Variants in MSH3 observed in about 807,000 individuals in gnomAD.
The protein encoded by MSH3 is mutS homolog 3.
In MSH3, 106 loss-of-function variants were observed where a neutral mutation model predicts 123.3. The ratio of observed to expected loss-of-function variants is 0.86; its 90% CI spans 0.73 to 1.01. The LOEUF is 1.01. Ranked by LOEUF, MSH3 falls within the 50% of genes least tolerant of loss-of-function variation. MSH3 has a pLI of 0.00. For synonymous variants in MSH3, 515 were observed against 481.4 expected, an observed-to-expected ratio of 1.07 and a Z score of -0.91; for missense variants, 1,459 against 1,347.6, an observed-to-expected ratio of 1.08 and a Z score of -1.29.
chr5:80,659,039 G>A (rs1749363059), intron 2 of MSH3, among the ~76,000 whole-genome samples: 2 of 152,154 alleles, frequency 1.3e-5, no homozygotes, highest in Non-Finnish European at 2.9e-5. Flanking sequence ...TTCGAGACCA[G>A]CCTGGCCCAC....
At chr5:80,746,617 G>T in intron 12 of MSH3, 1 of 344,478 alleles carries the variant, frequency 2.9e-6, no homozygotes, top group Non-Finnish European at 5.8e-6. Context: ...TCCTCGGGAG[G>T]AGGACGGCCA....
intron 8 of MSH3, among the ~76,000 whole-genome samples, chr5:80,706,296 T>C (rs1750722103): frequency 6.6e-6 from 1 of 152,174 alleles, no homozygotes; most frequent in Admixed American, 6.5e-5. Flanking sequence ...AGGCGTATGA[T>C]TGAGTGAAGT....
Position 80,670,129 on chromosome 5 carries a change from A to T in MSH3, c.612A>T (p.Gly204=), listed in dbSNP as rs2112812171. 4 of 1,614,122 alleles carry T rather than the reference A, an allele frequency of 2.5e-6. No individual in the cohort carries two copies. The highest frequency in any genetic ancestry group is 3.4e-6 in the Non-Finnish European group (4 of 1,180,004). ...CACTTTTTGATCTCAGTCAGTTTGG[A>T]TCATCAAATACAAGTCATGAAAATT... ...DTTLFDLSQF[G]SSNTSHENLQ... Residue 204 remains glycine (G), a synonymous_variant, in exon 4 of 24, where the codon GGA becomes GGT. Coordinates refer to ENST00000265081, the MANE Select transcript of MSH3 (RefSeq NM_002439.5).
chr5:80,834,223 GGT>G (rs1745469633), intron 20 of MSH3, among the ~76,000 whole-genome samples: 1 of 151,976 alleles, frequency 6.6e-6, no homozygotes, highest in Non-Finnish European at 1.5e-5. Flanking sequence ...TACCCTCCAG[GGT>G]GTGAGTCCCA....
At chr5:80,824,322 G>A (rs536485050) in intron 20 of MSH3, among the ~76,000 whole-genome samples, 6 of 151,280 alleles carry the variant, frequency 4.0e-5, no homozygotes, top group South Asian at 4.2e-4. Context: ...GGGCGGAGGC[G>A]CCCCCCACCT....
intron 22 of MSH3, among the ~76,000 whole-genome samples, chr5:80,870,078 G>T (rs1347376345): frequency 6.7e-6 from 1 of 150,046 alleles, no homozygotes; most frequent in East Asian, 2.0e-4. Flanking sequence ...GGAGGCTGAG[G>T]CAGGAGAATC....
chr5:80,792,031 C>T lies in MSH3; in HGVS notation c.2544-702C>T, dbSNP rs6151843. Among the ~76,000 whole-genome samples, 533 of 152,064 alleles carry T rather than the reference C, an allele frequency of 3.5e-3. 2 individuals are homozygous for T. Among genetic ancestry groups the T allele is most frequent in the African/African-American group, 0.012 (510 of 41,466 alleles). On this transcript the variant is annotated intron_variant, in intron 18 of 23. Transcript: ENST00000265081. ...TATCAAAGTAAAAGATACAAAAGAC[C>T]GTAGAAAGATGTTTTAATTGAACAG... is the stretch of plus-strand genomic sequence containing the variant.
intron 1 of MSH3, 173 bp downstream of exon 1, chr5:80,655,137 C>G (rs1363156101): frequency 2.0e-6 from 1 of 509,018 alleles, no homozygotes; most frequent in African/African-American, 2.0e-5. Context: ...TTGGGTGAAG[C>G]GCTGAGGTTT....
At chr5:80,861,038 G>A (rs1746006114) in intron 21 of MSH3, among the ~76,000 whole-genome samples, 1 of 152,056 alleles carries the variant, frequency 6.6e-6, no homozygotes, top group African/African-American at 2.4e-5. Flanking sequence ...ATGCATCTCT[G>A]TGCTTACATT....
chr5:80,656,334 A>T, intron 1 of MSH3, 77 bp from the exon 2 acceptor site: 1 of 1,580,412 alleles, frequency 6.3e-7, no homozygotes, highest in Non-Finnish European at 8.7e-7. Context: ...TTCAGTTGTA[A>T]GGTTTAAATT....
At chr5:80,811,321 C>T (rs369996650) in intron 19 of MSH3, among the ~76,000 whole-genome samples, 1 of 152,008 alleles carries the variant, frequency 6.6e-6, no homozygotes, top group Non-Finnish European at 1.5e-5. Context: ...CAAATACTTT[C>T]TCTGTGTTAT....
At chr5:80,730,903 T>C (rs929193184) in intron 10 of MSH3, among the ~76,000 whole-genome samples, 33 of 147,670 alleles carry the variant, frequency 2.2e-4, no homozygotes, top group East Asian at 3.9e-4. Context: ...TATTTTTTTT[T>C]TTTTCTTTTT....
intron 7 of MSH3, among the ~76,000 whole-genome samples, chr5:80,675,624 A>G (rs1749823128): frequency 6.6e-6 from 1 of 152,182 alleles, no homozygotes; most frequent in South Asian, 2.1e-4. Context: ...ACCTCCCACC[A>G]GGTCTCCCCC....
At chr5:80,870,217 G>A (rs971826098) in intron 22 of MSH3, among the ~76,000 whole-genome samples, 4 of 151,126 alleles carry the variant, frequency 2.6e-5, no homozygotes, top group African/African-American at 7.3e-5. Flanking sequence ...TTTTTGGATA[G>A]GGGGATTTTG....
intron 6 of MSH3, among the ~76,000 whole-genome samples, chr5:80,674,003 T>C (rs1382525887): frequency 2.0e-5 from 3 of 152,328 alleles, no homozygotes; most frequent in African/African-American, 4.8e-5. Flanking sequence ...CTCATCTAAT[T>C]CTAAGGACTG....
chr5:80,774,485 G>A (rs551229626), intron 15 of MSH3, among the ~76,000 whole-genome samples: 6 of 151,896 alleles, frequency 4.0e-5, no homozygotes, highest in Non-Finnish European at 8.8e-5. Context: ...AAGGTAATTA[G>A]TATATTAAGG....
At chr5:80,794,266 G>A (rs2112028620) in intron 19 of MSH3, among the ~76,000 whole-genome samples, 1 of 152,276 alleles carries the variant, frequency 6.6e-6, no homozygotes, top group South Asian at 2.1e-4. Context: ...GGCGAATCCT[G>A]GCAGCACTGA....
intron 8 of MSH3, among the ~76,000 whole-genome samples, chr5:80,686,407 AT>A (rs1474218322): frequency 6.6e-6 from 1 of 151,820 alleles, no homozygotes; most frequent in Non-Finnish European, 1.5e-5. Context: ...GGTTTAAGCG[AT>A]TCTCGTGCCT....
intron 12 of MSH3, among the ~76,000 whole-genome samples, chr5:80,757,602 T>G (rs1743949655): frequency 6.6e-6 from 1 of 152,190 alleles, no homozygotes; most frequent in Non-Finnish European, 1.5e-5. Context: ...GTTTGGTATA[T>G]GGAATGAAAT....
Sources: gnomAD v4.1 joint callset for allele counts (sites outside exome capture counted in the v4.1 genomes callset) on GRCh38, gnomAD v4.1.1 for gene constraint, MANE v1.5 for transcripts, NCBI Gene and HGNC (gene_info 2026-07-23, HGNC 2026-07-21) for gene names.